The following PTPRD variants were observed in gnomAD, a reference collection of about 807,000 sequenced individuals.
PTPRD encodes the protein receptor-type tyrosine-protein phosphatase delta.
PTPRD carries 34 observed loss-of-function variants against 214.5 expected under a neutral mutation model. The ratio of observed to expected loss-of-function variants is 0.16; its 90% CI spans 0.12 to 0.21. PTPRD has a LOEUF of 0.21. Among genes scored for constraint, PTPRD ranks in the 10% least tolerant of loss-of-function variants. The pLI is 1.00. For synonymous variants in PTPRD, 1,128 were observed against 845.7 expected, an observed-to-expected ratio of 1.33 and a Z score of -5.79; for missense variants, 2,545 against 2,398.7, an observed-to-expected ratio of 1.06 and a Z score of -1.27.
intron 2 of PTPRD, among the ~76,000 whole-genome samples, chr9:10,569,527 CTCTCTG>C (rs1273201423): frequency 2.4e-4 from 37 of 151,738 alleles, no homozygotes; most frequent in African/African-American, 8.7e-4. Flanking sequence ...CTCTCTCTCT[CTCTCTG>C]TGTGTATATA....
intron 3 of PTPRD, among the ~76,000 whole-genome samples, chr9:10,094,539 CT>C (rs5896370): frequency 0.58 from 69,651 of 120,892 alleles, 19,382 homozygotes; most frequent in East Asian, 0.79. Context: ...TTCTTTCTTT[CT>C]TTTTTTTTTT....
intron 2 of PTPRD, among the ~76,000 whole-genome samples, chr9:10,572,613 A>G (rs1038270599): frequency 1.3e-5 from 2 of 152,132 alleles, no homozygotes; most frequent in African/African-American, 2.4e-5. Context: ...CTTACCAACT[A>G]AAAAAAGCAG....
intron 8 of PTPRD, among the ~76,000 whole-genome samples, chr9:9,507,593 G>A (rs1432316782): frequency 1.3e-5 from 2 of 151,310 alleles, no homozygotes; most frequent in African/African-American, 4.8e-5. Context: ...AATTATGAAT[G>A]TTTTATATTT....
chr9:9,059,987 T>A (rs2099704103), intron 10 of PTPRD, among the ~76,000 whole-genome samples: 1 of 152,208 alleles, frequency 6.6e-6, no homozygotes, highest in Admixed American at 6.5e-5. Flanking sequence ...AGTTATTTTT[T>A]AAATTTAATG....
chr9:10,018,750 C>T (rs1223017041), intron 4 of PTPRD, among the ~76,000 whole-genome samples: 12 of 150,898 alleles, frequency 8.0e-5, no homozygotes, highest in African/African-American at 2.4e-4. Context: ...GGGGTTTCAC[C>T]GTTTTAGCCG....
At chr9:10,449,532 GCC>G (rs1588428223) in intron 2 of PTPRD, among the ~76,000 whole-genome samples, 1 of 151,408 alleles carries the variant, frequency 6.6e-6, no homozygotes, top group East Asian at 1.9e-4. Context: ...CCTCTGCCCA[GCC>G]ACCCAGTCTG....
At chr9:10,117,445 G>C (rs2098739357) in intron 3 of PTPRD, among the ~76,000 whole-genome samples, 1 of 152,040 alleles carries the variant, frequency 6.6e-6, no homozygotes, top group Non-Finnish European at 1.5e-5. Context: ...CAGTTCTGGA[G>C]GCTAGAAGTA....
intron 11 of PTPRD, chr9:8,860,728 C>A (rs1364805749): frequency 6.6e-6 from 1 of 152,126 alleles, no homozygotes; most frequent in African/African-American, 2.4e-5. Context: ...AATTTTAAGT[C>A]AAAGAACATC....
chr9:9,105,925 G>T (rs1227886582), intron 10 of PTPRD, among the ~76,000 whole-genome samples: 3 of 152,158 alleles, frequency 2.0e-5, no homozygotes, highest in Non-Finnish European at 4.4e-5. Flanking sequence ...TACATTCAGG[G>T]TTGGGAAGTG....
chr9:9,589,258 A>G (rs2092448787), intron 7 of PTPRD, among the ~76,000 whole-genome samples: 1 of 151,978 alleles, frequency 6.6e-6, no homozygotes, highest in Non-Finnish European at 1.5e-5. Flanking sequence ...CAAAATCAGT[A>G]AAATCCTCTT....
At chr9:10,263,807 G>C (rs2093862575) in intron 3 of PTPRD, among the ~76,000 whole-genome samples, 1 of 152,154 alleles carries the variant, frequency 6.6e-6, no homozygotes, top group African/African-American at 2.4e-5. Flanking sequence ...GGGCATGTCA[G>C]AGACCTTTGC....
At chr9:10,217,422 C>G (rs2099546756) in intron 3 of PTPRD, among the ~76,000 whole-genome samples, 1 of 151,890 alleles carries the variant, frequency 6.6e-6, no homozygotes, top group East Asian at 1.9e-4. Flanking sequence ...TTTGTACTCC[C>G]AAAGCTGAGA....
intron 9 of PTPRD, among the ~76,000 whole-genome samples, chr9:9,212,558 A>G (rs573478631): frequency 8.5e-5 from 13 of 152,298 alleles, no homozygotes; most frequent in Middle Eastern, 3.4e-3. Context: ...CTGCTAGCTT[A>G]TTGCATTTTA....
chr9:9,852,104 C>T (rs2060653574), intron 5 of PTPRD, among the ~76,000 whole-genome samples: 1 of 151,684 alleles, frequency 6.6e-6, no homozygotes, highest in Admixed American at 6.6e-5. Flanking sequence ...AAGATCGATG[C>T]ATTAAAATGT....
At chr9:9,098,888 T>C (rs576626611) in intron 10 of PTPRD, among the ~76,000 whole-genome samples, 20 of 152,332 alleles carry the variant, frequency 1.3e-4, no homozygotes, top group African/African-American at 4.3e-4. Context: ...TCTATATTTG[T>C]AAAATTCTGA....
chr9:10,268,353 G>A (rs2094215934), intron 3 of PTPRD, among the ~76,000 whole-genome samples: 1 of 150,038 alleles, frequency 6.7e-6, no homozygotes, highest in Admixed American at 6.7e-5. Flanking sequence ...ATAACAGAGG[G>A]GCAGCATTTT....
chr9:10,045,240 CT>C (rs2097367189), intron 3 of PTPRD, among the ~76,000 whole-genome samples: 1 of 151,590 alleles, frequency 6.6e-6, no homozygotes, highest in Non-Finnish European at 1.5e-5. Flanking sequence ...TCAGAAGTTT[CT>C]TAAATAAAAA....
chr9:9,243,996 A>G (rs2131159105), intron 9 of PTPRD, among the ~76,000 whole-genome samples: 1 of 152,264 alleles, frequency 6.6e-6, no homozygotes, highest in African/African-American at 2.4e-5. Context: ...TACACCAATA[A>G]CAGACAGAGA....
intron 9 of PTPRD, among the ~76,000 whole-genome samples, chr9:9,234,188 T>C (rs539292283): frequency 7.9e-5 from 12 of 152,302 alleles, no homozygotes; most frequent in African/African-American, 2.9e-4. Context: ...TTAACTTCTG[T>C]GCACCTGCAG....
Sources: gnomAD v4.1 joint callset for allele counts (sites outside exome capture counted in the v4.1 genomes callset) on GRCh38, gnomAD v4.1.1 for gene constraint, MANE v1.5 for transcripts, NCBI Gene and HGNC (gene_info 2026-07-23, HGNC 2026-07-21) for gene names.